Variants in MGMT observed in about 807,000 individuals in gnomAD.
MGMT encodes methylated-DNA--protein-cysteine methyltransferase.
In MGMT, 14 loss-of-function variants were observed where a neutral mutation model predicts 15.9. The ratio of observed to expected loss-of-function variants is 0.88; its 90% CI spans 0.58 to 1.37. The LOEUF is 1.37. Ranked by LOEUF, MGMT falls within the 40% of genes most tolerant of loss-of-function variation. The probability of loss-of-function intolerance (pLI) is 0.00; values close to 1 mark genes in which losing one functional copy is unlikely to be tolerated. For synonymous variants in MGMT, 130 were observed against 118.2 expected (o/e 1.10, Z -0.65); for missense variants, 282 against 268.1 (o/e 1.05, Z -0.36).
At chr10:129,706,387 G>A (rs776885599) in intron 2 of MGMT, among the ~76,000 whole-genome samples, 7 of 152,180 alleles carry the variant, frequency 4.6e-5, no homozygotes, top group Non-Finnish European at 7.3e-5. Context: ...AGCAGCATGG[G>A]TGTGTCGAGG....
intron 3 of MGMT, among the ~76,000 whole-genome samples, chr10:129,733,071 C>T (rs1480273435): frequency 2.7e-5 from 4 of 149,920 alleles, no homozygotes; most frequent in South Asian, 2.2e-4. Flanking sequence ...GGGTATATAC[C>T]CAGTAATGGG....
chr10:129,707,958 A>C lies in MGMT; in HGVS notation c.189A>C (p.Thr63=), dbSNP rs1848185306. ...GTCCGGAGCCCCTGATGCAGTGCACAGCCTGGCTGAATGCCTATTTCCACC... is the reference window on the plus strand; with the variant it reads ...GTCCGGAGCCCCTGATGCAGTGCACCGCCTGGCTGAATGCCTATTTCCACC... ...LGGPEPLMQC[T]AWLNAYFHQP... is the part of the protein sequence containing the mutation. The change falls in exon 3 of 5, where the codon ACA becomes ACC. Residue 63 remains threonine (T), a synonymous_variant. Transcript: ENST00000651593. The C allele has an allele frequency of 6.2e-7, 1 of 1,613,440 alleles. No homozygotes were observed. The highest frequency in any genetic ancestry group is 8.5e-7 in the Non-Finnish European group (1 of 1,180,016).
At chr10:129,581,639 C>T (rs1846556557) in intron 2 of MGMT, among the ~76,000 whole-genome samples, 1 of 152,180 alleles carries the variant, frequency 6.6e-6, no homozygotes, top group African/African-American at 2.4e-5. Context: ...CTAGTCAGAA[C>T]ATTGTTTCCT....
intron 1 of MGMT, among the ~76,000 whole-genome samples, chr10:129,473,116 A>T (rs1393871149): frequency 1.3e-5 from 2 of 152,186 alleles, no homozygotes; most frequent in Non-Finnish European, 2.9e-5. Context: ...AGAACTTCCC[A>T]AAGGACGGAC....
chr10:129,487,400 G>C (rs1013909828), intron 1 of MGMT, among the ~76,000 whole-genome samples: 1 of 152,230 alleles, frequency 6.6e-6, no homozygotes, highest in Admixed American at 6.5e-5. Flanking sequence ...CACAGTTTTG[G>C]ATTACATGTA....
chr10:129,593,352 C>T (rs1846711824), intron 2 of MGMT, among the ~76,000 whole-genome samples: 1 of 152,160 alleles, frequency 6.6e-6, no homozygotes, highest in African/African-American at 2.4e-5. Context: ...TGGGATGCCC[C>T]TGTGTTTCCT....
chr10:129,677,778 C>G (rs778563725), intron 2 of MGMT, among the ~76,000 whole-genome samples: 57 of 152,134 alleles, frequency 3.7e-4, no homozygotes, highest in Non-Finnish European at 6.3e-4. Context: ...GTGGGCCAGC[C>G]GGGGGCGAAG....
At chr10:129,737,310 T>C (rs933610031) in intron 3 of MGMT, among the ~76,000 whole-genome samples, 3 of 152,230 alleles carry the variant, frequency 2.0e-5, no homozygotes, top group Non-Finnish European at 4.4e-5. Flanking sequence ...CATTTCATCT[T>C]CCATCGCTGA....
chr10:129,527,720 C>T (rs117223285), intron 1 of MGMT, among the ~76,000 whole-genome samples: 5,824 of 152,112 alleles, frequency 0.038, 153 homozygotes, highest in Admixed American at 0.072. Context: ...TCCCTGTCCC[C>T]ACCCTTGACA....
At chr10:129,723,151 G>A (rs1220244939) in intron 3 of MGMT, among the ~76,000 whole-genome samples, 5 of 151,830 alleles carry the variant, frequency 3.3e-5, no homozygotes, top group African/African-American at 1.2e-4. Context: ...AGGTTTTTGG[G>A]GAACAGATGG....
chr10:129,652,202 C>T (rs1386710375), intron 2 of MGMT, among the ~76,000 whole-genome samples: 1 of 152,258 alleles, frequency 6.6e-6, no homozygotes, highest in African/African-American at 2.4e-5. Flanking sequence ...GCTTCCCCGC[C>T]ACTCGGGGGG....
chr10:129,518,722 A>G (rs1254861141), intron 1 of MGMT, among the ~76,000 whole-genome samples: 3 of 149,342 alleles, frequency 2.0e-5, no homozygotes, highest in Non-Finnish European at 4.4e-5. Flanking sequence ...AGTGTATAAT[A>G]TGGGTAACAT....
intron 3 of MGMT, among the ~76,000 whole-genome samples, chr10:129,736,691 C>G (rs1848566522): frequency 1.3e-5 from 2 of 152,270 alleles, no homozygotes; most frequent in Non-Finnish European, 2.9e-5. Context: ...TTTGCAGCGG[C>G]TGGTACCGGT....
intron 2 of MGMT, among the ~76,000 whole-genome samples, chr10:129,616,237 G>A (rs1456680283): frequency 6.6e-6 from 1 of 152,182 alleles, no homozygotes; most frequent in Non-Finnish European, 1.5e-5. Flanking sequence ...CATGCCACAC[G>A]CATGCCACGG....
chr10:129,681,382 G>A (rs961333681), intron 2 of MGMT, among the ~76,000 whole-genome samples: 1 of 152,204 alleles, frequency 6.6e-6, no homozygotes, highest in Admixed American at 6.5e-5. Context: ...TTCCTGTGGG[G>A]ACGCCCATGG....
intron 1 of MGMT, among the ~76,000 whole-genome samples, chr10:129,494,908 CTG>C (rs1281141640): frequency 6.6e-6 from 1 of 152,210 alleles, no homozygotes; most frequent in East Asian, 1.9e-4. Context: ...ACTTCCTTCT[CTG>C]TGCTGTGTCA....
intron 4 of MGMT, 74 bp downstream of exon 4, chr10:129,759,415 G>C: frequency 6.3e-7 from 1 of 1,598,930 alleles, no homozygotes; most frequent in Non-Finnish European, 8.5e-7. Flanking sequence ...CTGATCCCAC[G>C]TGTTTCCTCG....
intron 2 of MGMT, among the ~76,000 whole-genome samples, chr10:129,616,599 G>A (rs149368012): frequency 1.3e-5 from 2 of 152,274 alleles, no homozygotes; most frequent in East Asian, 3.9e-4. Flanking sequence ...TCCTCTAAGG[G>A]CCCTCACTGG....
intron 2 of MGMT, among the ~76,000 whole-genome samples, chr10:129,546,461 C>A (rs1203925016): frequency 6.6e-6 from 1 of 152,158 alleles, no homozygotes; most frequent in African/African-American, 2.4e-5. Flanking sequence ...CTGCGAGCCC[C>A]CTCTTGGGCA....
Sources: gnomAD v4.1 joint callset for allele counts (sites outside exome capture counted in the v4.1 genomes callset) on GRCh38, gnomAD v4.1.1 for gene constraint, MANE v1.5 for transcripts, NCBI Gene and HGNC (gene_info 2026-07-23, HGNC 2026-07-21) for gene names.